PTPN13: variants seen among roughly 807,000 people sequenced by gnomAD.
PTPN13 encodes the protein tyrosine-protein phosphatase non-receptor type 13.
In PTPN13, 191 loss-of-function variants were observed where a neutral mutation model predicts 284.0. The ratio of observed to expected loss-of-function variants is 0.67; its 90% CI spans 0.60 to 0.76. The LOEUF (loss-of-function observed/expected upper bound fraction) is 0.76. Ranked by LOEUF, PTPN13 falls within the 30% of genes least tolerant of loss-of-function variation. The probability of loss-of-function intolerance (pLI) is 0.00; values close to 1 mark genes in which losing one functional copy is unlikely to be tolerated. For missense variants in PTPN13, 2,797 were observed against 2,939.9 expected, an observed-to-expected ratio of 0.95 and a Z score of 1.12; for synonymous variants, 986 against 1,022.3, an observed-to-expected ratio of 0.96 and a Z score of 0.68.
intron 7 of PTPN13, among the ~76,000 whole-genome samples, chr4:86,710,150 T>C (rs1369643945): frequency 1.3e-5 from 2 of 152,194 alleles, no homozygotes; most frequent in Non-Finnish European, 2.9e-5. Flanking sequence ...ATTATTACTG[T>C]GTTTCTCTGC....
At chr4:86,699,892 G>A (rs1730973984) in intron 6 of PTPN13, among the ~76,000 whole-genome samples, 1 of 152,066 alleles carries the variant, frequency 6.6e-6, no homozygotes, top group South Asian at 2.1e-4. Flanking sequence ...ACAGACATAT[G>A]TTTATCAGTT....
At chr4:86,793,083 G>A (rs1034336868) in intron 40 of PTPN13, among the ~76,000 whole-genome samples, 1 of 152,088 alleles carries the variant, frequency 6.6e-6, no homozygotes, top group African/African-American at 2.4e-5. Context: ...AAAGAGTCAA[G>A]ACCCATTGGT....
intron 4 of PTPN13, among the ~76,000 whole-genome samples, chr4:86,688,479 A>T (rs112012009): frequency 0.051 from 7,560 of 148,206 alleles, 255 homozygotes; most frequent in African/African-American, 0.074. Context: ...GTTAACTAAT[A>T]AAAAAAAAAC....
At chr4:86,698,790 A>G (rs1217016986) in intron 6 of PTPN13, among the ~76,000 whole-genome samples, 1 of 152,182 alleles carries the variant, frequency 6.6e-6, no homozygotes, top group Non-Finnish European at 1.5e-5. Flanking sequence ...GAGGCTGATT[A>G]AAGTGGGTAC....
intron 17 of PTPN13, among the ~76,000 whole-genome samples, chr4:86,745,669 G>A (rs766360365): frequency 3.9e-5 from 6 of 152,060 alleles, no homozygotes; most frequent in Non-Finnish European, 5.9e-5. Flanking sequence ...CCAGCTACTT[G>A]GGAGGCTGAG....
intron 1 of PTPN13, among the ~76,000 whole-genome samples, chr4:86,605,191 G>A (rs17011953): frequency 0.046 from 7,044 of 152,008 alleles, 223 homozygotes; most frequent in African/African-American, 0.06. Flanking sequence ...GTTAAAGAAA[G>A]TGCCTTAGGA....
intron 5 of PTPN13, chr4:86,689,649 T>C (rs554521464): frequency 1.4e-6 from 1 of 702,358 alleles, no homozygotes; most frequent in South Asian, 1.5e-5. Context: ...CACTTTCCCT[T>C]CTTCTCGGAA....
chr4:86,768,580 A>G (rs1459135264), intron 28 of PTPN13, among the ~76,000 whole-genome samples: 2 of 152,202 alleles, frequency 1.3e-5, no homozygotes, highest in Non-Finnish European at 2.9e-5. Context: ...CACAAACGTT[A>G]GCAACTCTGA....
At chr4:86,676,261 T>C (rs1232801186) in intron 3 of PTPN13, among the ~76,000 whole-genome samples, 1 of 152,208 alleles carries the variant, frequency 6.6e-6, no homozygotes, top group Non-Finnish European at 1.5e-5. Flanking sequence ...CAGTCCAATA[T>C]GTAATCATAT....
At chr4:86,757,345 C>T (rs1470704921) in intron 20 of PTPN13, among the ~76,000 whole-genome samples, 1 of 152,162 alleles carries the variant, frequency 6.6e-6, no homozygotes, top group Non-Finnish European at 1.5e-5. Flanking sequence ...TGTTACTCCT[C>T]ATCTGCAAAA....
At chr4:86,814,310 CCT>C (rs1381110071) in intron 47 of PTPN13, 144 bp from the exon 48 acceptor site, 3 of 531,190 alleles carry the variant, frequency 5.6e-6, no homozygotes, top group East Asian at 6.7e-5. Flanking sequence ...CAGCCTACAC[CCT>C]GTTTCTTGCA....
At chr4:86,600,410 A>AT (rs1163615785) in intron 1 of PTPN13, among the ~76,000 whole-genome samples, 1,749 of 59,358 alleles carry the variant, frequency 0.029, 21 homozygotes, top group Middle Eastern at 0.083. Flanking sequence ...GGTAGATGGT[A>AT]TTTTTTTTTT....
chr4:86,636,245 CA>C (rs1723004965), intron 2 of PTPN13, among the ~76,000 whole-genome samples: 1 of 152,176 alleles, frequency 6.6e-6, no homozygotes, highest in Non-Finnish European at 1.5e-5. Context: ...ATAGGGTCAA[CA>C]AGTATTTTGG....
intron 25 of PTPN13, 118 bp downstream of exon 25, chr4:86,764,842 A>C (rs1476837253): frequency 5.2e-6 from 6 of 1,158,570 alleles, no homozygotes; most frequent in Non-Finnish European, 7.0e-6. Context: ...ATACCTCCAA[A>C]ATTCTAAAAC....
chr4:86,707,370 G>T (rs563699853), intron 7 of PTPN13, among the ~76,000 whole-genome samples: 205 of 152,206 alleles, frequency 1.3e-3, no homozygotes, highest in African/African-American at 4.9e-3. Context: ...GTGATCTCTG[G>T]TCCTAGCCTA....
chr4:86,725,016 G>A (rs1329654715), intron 10 of PTPN13, among the ~76,000 whole-genome samples: 1 of 144,292 alleles, frequency 6.9e-6, no homozygotes, highest in Non-Finnish European at 1.5e-5. Flanking sequence ...CCCGCCCCGT[G>A]TCCATGTGTT....
Position 86,672,555 on chromosome 4 carries a change from AT to A in PTPN13, c.294+19del. On this transcript the variant is annotated intron_variant, in intron 3 of 47. Coordinates refer to ENST00000411767, the MANE Select transcript of PTPN13 (RefSeq NM_080683.3). ...CAGATGTTGAAAAGGTAACTGTTAA[AT>A]TTTTTTGTTTGTTTTTTTATTTGGG... is the stretch of plus-strand genomic sequence containing the variant. 2.5e-6 allele frequency: 4 copies of A among 1,581,720 alleles called. No individual in the cohort carries two copies. Among genetic ancestry groups the A allele is most frequent in the Non-Finnish European group, 3.4e-6 (4 of 1,162,316 alleles).
At position 86,672,502 on chromosome 4, in the gene PTPN13, C is replaced by T. The variant is rs1727822028; in HGVS notation, c.253C>T (p.Leu85Phe). The change falls in exon 3 of 48, where the codon CTT (leucine) becomes TTT (phenylalanine). Residue 85 changes from leucine (L) to phenylalanine (F), a missense_variant. Leu to Phe is a conservative substitution (Grantham distance 22). Transcript: ENST00000411767. ...DLRAFTAPEV[L>F]QNQSLTSLSD... Reference sequence around the variant, plus strand: ...TCGAGCATTCACTGCACCAGAGGTTCTTCAAAATCAGTCACTAACTTCTCT... The same window carrying T: ...TCGAGCATTCACTGCACCAGAGGTTTTTCAAAATCAGTCACTAACTTCTCT... 1 of 1,607,230 alleles carries T rather than the reference C, an allele frequency of 6.2e-7. No individual in the cohort carries two copies. The highest frequency in any genetic ancestry group is 1.1e-5 in the South Asian group (1 of 89,550).
At chr4:86,689,610 G>A (rs1729809579) in intron 5 of PTPN13, 1 of 701,004 alleles carries the variant, frequency 1.4e-6, no homozygotes, top group Non-Finnish European at 2.6e-6. Context: ...CATTTGTCTG[G>A]ATCTTCTAGG....
Sources: allele counts gnomAD v4.1 joint callset (sites outside exome capture counted in the v4.1 genomes callset), GRCh38; gene constraint gnomAD v4.1.1; transcripts MANE v1.5; gene names NCBI Gene and HGNC (gene_info 2026-07-23, HGNC 2026-07-21).